Variants in CYP19A1 observed in about 807,000 individuals in gnomAD.
The protein encoded by CYP19A1 is aromatase.
In CYP19A1, 32 loss-of-function variants were observed where a neutral mutation model predicts 44.4. The ratio of observed to expected loss-of-function variants is 0.72; its 90% CI spans 0.54 to 0.97. The LOEUF (loss-of-function observed/expected upper bound fraction) is 0.97, where lower values mean the gene tolerates loss of function less well. CYP19A1 is among the 50% of genes least tolerant of loss of function. The pLI is 0.00. For synonymous variants in CYP19A1, 212 were observed against 215.6 expected, an observed-to-expected ratio of 0.98 and a Z score of 0.14; for missense variants, 598 against 637.8, an observed-to-expected ratio of 0.94 and a Z score of 0.67.
chr15:51,236,477 T>C (rs1486916909), intron 3 of CYP19A1, among the ~76,000 whole-genome samples: 1 of 152,204 alleles, frequency 6.6e-6, no homozygotes, highest in Non-Finnish European at 1.5e-5. Flanking sequence ...CTTTGTTTGT[T>C]TGGCTTGGTT....
At chr15:51,221,993 C>A (rs902356868) in intron 5 of CYP19A1, 1 of 417,526 alleles carries the variant, frequency 2.4e-6, no homozygotes, top group Non-Finnish European at 4.3e-6. Flanking sequence ...ATATATCATG[C>A]CCAAAAGAAC....
intron 1 of CYP19A1, among the ~76,000 whole-genome samples, chr15:51,243,290 C>T (rs940529847): frequency 6.6e-6 from 1 of 152,180 alleles, no homozygotes; most frequent in African/African-American, 2.4e-5. Context: ...AAATAAAGCT[C>T]ATTCCAGAGG....
intron 1 of CYP19A1, among the ~76,000 whole-genome samples, chr15:51,337,202 T>A (rs1017719534): frequency 6.6e-6 from 1 of 152,214 alleles, no homozygotes; most frequent in African/African-American, 2.4e-5. Flanking sequence ...AGAGGACAGT[T>A]AAGATAGGTC....
chr15:51,303,482 C>T (rs1034129095), intron 1 of CYP19A1, among the ~76,000 whole-genome samples: 4 of 151,586 alleles, frequency 2.6e-5, no homozygotes, highest in African/African-American at 9.7e-5. Context: ...ACAACATAAA[C>T]ATGTGAAAAT....
chr15:51,333,953 C>A (rs2036739779), intron 1 of CYP19A1, among the ~76,000 whole-genome samples: 1 of 152,142 alleles, frequency 6.6e-6, no homozygotes, highest in Non-Finnish European at 1.5e-5. Flanking sequence ...CTATTCACTG[C>A]AGAGATGACA....
At position 51,214,713 on chromosome 15, in the gene CYP19A1, T is replaced by C. The variant is rs189560022; in HGVS notation, c.1021+357A>G. ...CCATAAATATGTGTTTGTGGGCAAA[T>C]AGAAAAAGATTTTAGCAAATACACA... On this transcript the variant is annotated intron_variant, in intron 8 of 9. Coordinates refer to ENST00000396402, the MANE Select transcript of CYP19A1 (RefSeq NM_000103.4). Among the ~76,000 whole-genome samples, 15 of 152,224 alleles carry C rather than the reference T, an allele frequency of 9.9e-5. No individual in the cohort carries two copies. In the East Asian group the frequency reaches 1.9e-3, roughly 20 times the overall value.
rs745661854 is a variant in CYP19A1 at position 51,244,732 on chromosome 15, CA to C, written c.-38-1783del. ...CAACAAAAAGGATGAAGATGTCCCA[CA>C]GGAAGTGATCCCAGCAAAAAACTTC... On this transcript the variant is annotated intron_variant, in intron 1 of 9. Transcript: ENST00000396402. 1.8e-4 allele frequency among the ~76,000 whole-genome samples: 28 copies of C among 152,282 alleles called. 2 individuals are homozygous for C. Among genetic ancestry groups the C allele is most frequent in the East Asian group, 1.5e-3 (8 of 5,182 alleles).
At chr15:51,251,287 G>C (rs2034298472) in intron 1 of CYP19A1, among the ~76,000 whole-genome samples, 1 of 152,140 alleles carries the variant, frequency 6.6e-6, no homozygotes. Flanking sequence ...GGCAGCCCAG[G>C]TGCCGCCAGC....
At chr15:51,277,449 A>G (rs924109877) in intron 1 of CYP19A1, 3 of 152,222 alleles carry the variant, frequency 2.0e-5, no homozygotes, top group Non-Finnish European at 2.9e-5. Flanking sequence ...TTTGGAACGA[A>G]TCTTTTCTTA....
chr15:51,332,834 A>G (rs1428876748), intron 1 of CYP19A1, among the ~76,000 whole-genome samples: 1 of 152,120 alleles, frequency 6.6e-6, no homozygotes, highest in Non-Finnish European at 1.5e-5. Context: ...TGATGCCCCC[A>G]TGATCCTTCT....
chr15:51,288,523 A>T lies in CYP19A1; in HGVS notation c.-38-45573T>A, dbSNP rs144609366. 5.3e-5 allele frequency among the ~76,000 whole-genome samples: 8 copies of T among 152,296 alleles called. No individual in the cohort carries two copies. The South Asian group carries it at 8.3e-4, about 16-fold the overall frequency. On this transcript the variant is annotated intron_variant, in intron 1 of 9. Transcript: ENST00000396402. ...TAAGGGAGTTTCCTCATTTCAGATA[A>T]GCAGTCTGGTAAGTGCTCCATCCTC...
chr15:51,219,206 G>T (rs149119825), intron 5 of CYP19A1, among the ~76,000 whole-genome samples: 11 of 152,224 alleles, frequency 7.2e-5, no homozygotes, highest in African/African-American at 2.6e-4. Flanking sequence ...TCATCACATA[G>T]CTTTCATAGT....
intron 8 of CYP19A1, among the ~76,000 whole-genome samples, chr15:51,213,910 T>TCA (rs2031293429): frequency 6.6e-6 from 1 of 152,100 alleles, no homozygotes; most frequent in African/African-American, 2.4e-5. Flanking sequence ...GAGAACCTGC[T>TCA]AGGAGGCACT....
chr15:51,228,036 C>A, intron 3 of CYP19A1, 103 bp from the exon 4 acceptor site: 1 of 768,872 alleles, frequency 1.3e-6, no homozygotes, highest in East Asian at 2.5e-5. Flanking sequence ...GCATGTTGCT[C>A]CAAATGCAAT....
intron 1 of CYP19A1, among the ~76,000 whole-genome samples, chr15:51,284,897 C>T (rs2035645743): frequency 6.6e-6 from 1 of 152,180 alleles, no homozygotes; most frequent in African/African-American, 2.4e-5. Context: ...TATCATGAGC[C>T]ACAGCATCTA....
At chr15:51,295,513 A>G (rs1356006217) in intron 1 of CYP19A1, among the ~76,000 whole-genome samples, 1 of 152,186 alleles carries the variant, frequency 6.6e-6, no homozygotes, top group African/African-American at 2.4e-5. Flanking sequence ...GTGCCTTGCT[A>G]ACACCCTAGT....
intron 1 of CYP19A1, among the ~76,000 whole-genome samples, chr15:51,308,245 A>G (rs774382632): frequency 2.8e-4 from 43 of 152,126 alleles, no homozygotes; most frequent in Non-Finnish European, 5.1e-4. Context: ...AGAGCCAGCA[A>G]TGAGGACAGG....
At chr15:51,260,835 G>A (rs917019204) in intron 1 of CYP19A1, among the ~76,000 whole-genome samples, 2 of 152,162 alleles carry the variant, frequency 1.3e-5, no homozygotes, top group Non-Finnish European at 2.9e-5. Flanking sequence ...CCAGGCATTC[G>A]AGCCAGGTGT....
chr15:51,274,878 G>A (rs923435131), intron 1 of CYP19A1, among the ~76,000 whole-genome samples: 3 of 152,180 alleles, frequency 2.0e-5, no homozygotes, highest in Non-Finnish European at 2.9e-5. Flanking sequence ...CCATAAGCCA[G>A]AGGGGACAGC....
Sources: gnomAD v4.1 joint callset for allele counts (sites outside exome capture counted in the v4.1 genomes callset) on GRCh38, gnomAD v4.1.1 for gene constraint, MANE v1.5 for transcripts, NCBI Gene and HGNC (gene_info 2026-07-23, HGNC 2026-07-21) for gene names.